TMEM129: variants seen among roughly 807,000 people sequenced by gnomAD.
TMEM129 encodes transmembrane protein 129, E3 ubiquitin ligase.
A neutral mutation model predicts 34.1 loss-of-function variants in TMEM129; 35 were observed. The ratio of observed to expected loss-of-function variants is 1.03; its 90% CI spans 0.78 to 1.36. The LOEUF (loss-of-function observed/expected upper bound fraction) is 1.36. Among genes scored for constraint, TMEM129 ranks in the 40% most tolerant of loss-of-function variants. The pLI, the probability that TMEM129 is intolerant of heterozygous loss-of-function variation, is 0.00. For synonymous variants in TMEM129, 239 were observed against 217.3 expected (o/e 1.10, Z -0.88); for missense variants, 504 against 512.6 (o/e 0.98, Z 0.16).
chr4:1,719,582 T>C (rs1211159286), intron 1 of TMEM129, among the ~76,000 whole-genome samples: 1 of 152,144 alleles, frequency 6.6e-6, no homozygotes, highest in Non-Finnish European at 1.5e-5. Context: ...ACTTTCAAAC[T>C]AAGTTAAAAA....
chr4:1,718,767 C>G, intron 1 of TMEM129, 141 bp from the exon 2 acceptor site: 1 of 1,409,054 alleles, frequency 7.1e-7, no homozygotes, highest in South Asian at 1.7e-5. Context: ...TGCACTTCCC[C>G]AGCCGGCCAC....
rs552775511 is a variant in TMEM129 at position 1,717,237 on chromosome 4, C to T, written c.1032G>A (p.Val344=). The change falls in exon 4 of 4, where the codon GTG becomes GTA. Residue 344 remains valine, a synonymous_variant. Transcript: ENST00000382936. ...AGCGTGCGCGGCAGGTGGGGCAGGG[C>T]ACGCGGCTGGCCAGCCAGGTGTCAG... is the stretch of plus-strand genomic sequence containing the variant. The part of the protein sequence containing the change: ...LRPDTWLASR[V]PCPTCRARFC... 9.9e-6 allele frequency: 15 copies of T among 1,509,170 alleles called. No homozygotes were observed. The highest frequency in any genetic ancestry group is 1.2e-5 in the South Asian group (1 of 81,222). 93.5% of individuals were successfully genotyped at this position (1,509,170 alleles called of 1,614,324 possible).
At chr4:1,717,451 C>A (rs1367442414) in intron 3 of TMEM129, 23 bp from the exon 4 acceptor site, 2 of 1,503,658 alleles carry the variant, frequency 1.3e-6, no homozygotes, top group African/African-American at 2.8e-5. Flanking sequence ...GGAGCGTCAC[C>A]AGGAGCCCAG....
At position 1,718,436 on chromosome 4, in the gene TMEM129, G is replaced by A. The variant is rs1717095828; in HGVS notation, c.396C>T (p.Ala132=). Residue 132 remains alanine, a synonymous_variant, in exon 2 of 4, where the codon GCC becomes GCT. Coordinates refer to ENST00000382936, the MANE Select transcript of TMEM129 (RefSeq NM_001127266.2). ...CAGCCTGCCAGCCAGACTGTGGGAG[G>A]GCGTAGAGGGCCAGGGTGCGCGCCA... is the stretch of plus-strand genomic sequence containing the variant. The part of the protein sequence containing the change: ...HPLARTLALY[A]LPQSGWQAVA... The A allele has an allele frequency of 6.3e-7, 1 of 1,587,814 alleles. No homozygotes were observed. The highest frequency in any genetic ancestry group is 1.7e-4 in the Middle Eastern group (1 of 6,034).
At chr4:1,717,878 A>G in intron 2 of TMEM129, 2 of 741,848 alleles carry the variant, frequency 2.7e-6, no homozygotes, top group Non-Finnish European at 4.2e-6. Context: ...GTCCAGCCTG[A>G]GGGCTGCACT....
rs773468136 is a variant in TMEM129, at chr4:1,718,470, C to G, written c.362G>C (p.Cys121Ser). Residue 121 changes from cysteine to serine, a missense_variant, in exon 2 of 4, where the codon TGC (cysteine) becomes TCC (serine). Physicochemically the swap from Cys to Ser is moderately radical, Grantham distance 112. Coordinates refer to ENST00000382936, the MANE Select transcript of TMEM129 (RefSeq NM_001127266.2). ...IYYWSRDRWA[C>S]HPLARTLALY... ...GGCCAGGGTGCGCGCCAGTGGGTGG[C>G]AGGCCCACCGGTCACGGGACCAGTA... 6.4e-7 allele frequency: 1 copy of G among 1,558,096 alleles called. No individual in the cohort carries two copies. Among genetic ancestry groups the G allele is most frequent in the African/African-American group, 1.4e-5 (1 of 73,700 alleles).
intron 1 of TMEM129, 150 bp from the exon 2 acceptor site, chr4:1,718,776 ACT>A (rs1717121518): frequency 2.1e-6 from 3 of 1,402,338 alleles, no homozygotes; most frequent in East Asian, 2.6e-5. Context: ...CCAGCCGGCC[ACT>A]CTCTCCCTGC....
In TMEM129 at chr4:1,721,200, T is replaced by A; in HGVS notation, c.-363A>T. On this transcript the variant is annotated 5_prime_UTR_variant, in exon 1 of 4. It removes an upstream start codon present in the reference 5' UTR. Coordinates refer to ENST00000382936, the MANE Select transcript of TMEM129 (RefSeq NM_001127266.2). Reference sequence around the variant, plus strand: ...CTGGAGGCGGCACCGCACCTGTGCATTGAGCACAGGTGGGGAAACTTAGGC... The same window carrying A: ...CTGGAGGCGGCACCGCACCTGTGCAATGAGCACAGGTGGGGAAACTTAGGC... The A allele has an allele frequency of 5.6e-6, 1 of 177,314 alleles. No individual in the cohort carries two copies. The highest frequency in any genetic ancestry group is 1.2e-5 in the Non-Finnish European group (1 of 86,206). The allele number at this position is 177,314 out of a possible 1,614,324, so 11.0% of individuals were successfully genotyped here. A position where few individuals can be genotyped will look rare whatever the true frequency, so the allele number is the denominator to read the frequency against.
rs758263798 is a variant in TMEM129 at position 1,718,271 on chromosome 4, C to T, written c.561G>A (p.Val187=). 2.5e-6 allele frequency: 4 copies of T among 1,611,960 alleles called. No homozygotes were observed. In the South Asian group the frequency reaches 3.3e-5, roughly 13 times the overall value. The change falls in exon 2 of 4, where the codon GTG becomes GTA. Residue 187 remains valine, a synonymous_variant. Coordinates refer to ENST00000382936, the MANE Select transcript of TMEM129 (RefSeq NM_001127266.2). ...YRVHVAQQQD[V]HLTVTESRQH... ...GCCGAGACTCCGTCACAGTCAGGTG[C>T]ACGTCCTGCTGCTGGGCCACGTGCA...
chr4:1,720,517 C>A lies in TMEM129; in HGVS notation c.205+116G>T. ...CCTCTGGATGAGGACCGGCGCCTCTCCCCAGCTGCGCCCAGGCGCTTTCGG... is the reference window on the plus strand; with the variant it reads ...CCTCTGGATGAGGACCGGCGCCTCTACCCAGCTGCGCCCAGGCGCTTTCGG... On this transcript the variant is annotated intron_variant, in intron 1 of 3. Transcript: ENST00000382936. This position sits in a 1 kb window ranked among gnomAD's most constrained non-coding sequence, Gnocchi z 4.4. The A allele has an allele frequency of 3.0e-6, 4 of 1,321,696 alleles. No homozygotes were observed. The highest frequency in any genetic ancestry group is 3.0e-5 in the South Asian group (2 of 67,382). The allele number at this position is 1,321,696 out of a possible 1,614,324, so 81.9% of individuals were successfully genotyped here. A position where few individuals can be genotyped will look rare whatever the true frequency, so the allele number is the denominator to read the frequency against.
In TMEM129 at chr4:1,717,342, G is replaced by A; in HGVS notation, c.927C>T (p.Cys309=). 1 of 1,536,086 alleles carries A rather than the reference G, an allele frequency of 6.5e-7. No homozygotes were observed. Among genetic ancestry groups the A allele is most frequent in the Non-Finnish European group, 8.8e-7 (1 of 1,135,568 alleles). ...ACATGGGGCGGCAGTAACACTGCTG[G>A]CACTCGCCTGTGGCTGCCTCCTGGC... ...KTCQEAATGE[C]QQCYCRPMWC... The change falls in exon 4 of 4, where the codon TGC becomes TGT. Residue 309 remains cysteine, a synonymous_variant. Transcript: ENST00000382936.
Position 1,720,471 on chromosome 4 carries a change from C to T in TMEM129, c.205+162G>A, listed in dbSNP as rs933722810. ...TCAGTGCCGGCGGCGCCCCTAAGCG[C>T]GCTCAGCCCACGCCGCGGTCCCTCT... On this transcript the variant is annotated intron_variant, in intron 1 of 3. Transcript: ENST00000382936. This position sits in a 1 kb window ranked among gnomAD's most constrained non-coding sequence, Gnocchi z 4.4. Among the ~76,000 whole-genome samples, 2 of 152,258 alleles carry T rather than the reference C, an allele frequency of 1.3e-5. No individual in the cohort carries two copies. The highest frequency in any genetic ancestry group is 4.8e-5 in the African/African-American group (2 of 41,472).
At chr4:1,718,674 T>G in intron 1 of TMEM129, 48 bp from the exon 2 acceptor site, 1 of 1,435,316 alleles carries the variant, frequency 7.0e-7, no homozygotes. Flanking sequence ...GGCAGGCCGC[T>G]GTCCACCCCC....
At chr4:1,719,170 G>T in intron 1 of TMEM129, 2 of 673,312 alleles carry the variant, frequency 3.0e-6, no homozygotes, top group Non-Finnish European at 4.7e-6. Context: ...GTGAGGAGTT[G>T]CACCAGCAGG....
Position 1,716,929 on chromosome 4 carries a change from A to G in TMEM129, c.*251T>C. On this transcript the variant is annotated 3_prime_UTR_variant, in exon 4 of 4. Coordinates refer to ENST00000382936, the MANE Select transcript of TMEM129 (RefSeq NM_001127266.2). Reference sequence around the variant, plus strand: ...GCAGGATCTGCCCCCACCAGCAGGAAAGGGGCAGGAGGGAGGCAAAGAGGA... The same window carrying G: ...GCAGGATCTGCCCCCACCAGCAGGAGAGGGGCAGGAGGGAGGCAAAGAGGA... 2.5e-6 allele frequency: 1 copy of G among 405,962 alleles called. No homozygotes were observed. Among genetic ancestry groups the G allele is most frequent in the Non-Finnish European group, 4.3e-6 (1 of 233,020 alleles). The allele number at this position is 405,962 out of a possible 1,614,324, so 25.1% of individuals were successfully genotyped here.
rs891933579 is a variant in TMEM129 at position 1,717,433 on chromosome 4, G to A, written c.841-5C>T. ...GCCTATGCAGGCCTCCAGCTCCTGC[G>A]GGCAGGTGGAGCGTCACCAGGAGCC... On this transcript the variant is annotated splice_polypyrimidine_tract_variant and splice_region_variant and intron_variant, in intron 3 of 3. Transcript: ENST00000382936. 8 of 1,510,586 alleles carry A rather than the reference G, an allele frequency of 5.3e-6. No homozygotes were observed. The highest frequency in any genetic ancestry group is 7.2e-6 in the Non-Finnish European group (8 of 1,117,798). The allele number at this position is 1,510,586 out of a possible 1,614,324, so 93.6% of individuals were successfully genotyped here.
At chr4:1,718,777 C>T in intron 1 of TMEM129, 151 bp from the exon 2 acceptor site, 2 of 1,406,976 alleles carry the variant, frequency 1.4e-6, no homozygotes, top group South Asian at 1.7e-5. Flanking sequence ...CAGCCGGCCA[C>T]TCTCTCCCTG....
intron 1 of TMEM129, among the ~76,000 whole-genome samples, chr4:1,719,868 C>T (rs998835038): frequency 6.6e-6 from 1 of 152,214 alleles, no homozygotes; most frequent in Non-Finnish European, 1.5e-5. Flanking sequence ...TGGGCCCAGG[C>T]AGCTGCATCC....
At position 1,720,667 on chromosome 4, in the gene TMEM129, G is replaced by A. The variant is rs1228932143; in HGVS notation, c.171C>T (p.Ala57=). The A allele has an allele frequency of 6.5e-7, 1 of 1,547,446 alleles. No homozygotes were observed. The highest frequency in any genetic ancestry group is 8.7e-7 in the Non-Finnish European group (1 of 1,147,432). Residue 57 remains alanine (A), a synonymous_variant, in exon 1 of 4, where the codon GCC becomes GCT. Transcript: ENST00000382936. This position sits in a 1 kb window ranked among gnomAD's most constrained non-coding sequence, Gnocchi z 4.4. ...AFVPFHLRRT[A]ATLLCHSLLP... is the part of the protein sequence containing the mutation. ...GCAGCGAGTGGCACAACAGCGTGGC[G>A]GCCGTGCGGCGCAAGTGGAAGGGCA...
Sources: allele counts gnomAD v4.1 joint callset (sites outside exome capture counted in the v4.1 genomes callset), GRCh38; gene constraint gnomAD v4.1.1; non-coding constraint Gnocchi (gnomAD v3.1); transcripts MANE v1.5; gene names NCBI Gene and HGNC (gene_info 2026-07-23, HGNC 2026-07-21).